The following PRKCE variants were observed in gnomAD, a reference collection of about 807,000 sequenced individuals.
The protein encoded by PRKCE is protein kinase C epsilon.
In PRKCE, 16 loss-of-function variants were observed where a neutral mutation model predicts 85.4. That is an observed-to-expected ratio of 0.19 (90% CI 0.13 to 0.28). The LOEUF is 0.28. Among genes scored for constraint, PRKCE ranks in the 10% least tolerant of loss-of-function variants. The pLI is 1.00. For missense variants in PRKCE, 573 were observed against 975.2 expected (o/e 0.59, Z 5.49); for synonymous variants, 388 against 371.5 (o/e 1.04, Z -0.51).
intron 1 of PRKCE, among the ~76,000 whole-genome samples, chr2:45,694,420 A>T (rs1352307451): frequency 6.6e-6 from 1 of 152,036 alleles, no homozygotes; most frequent in Non-Finnish European, 1.5e-5. Context: ...TATGACTTCA[A>T]CCCCATGCCA....
intron 2 of PRKCE, among the ~76,000 whole-genome samples, chr2:45,969,690 T>C (rs779156518): frequency 1.8e-4 from 27 of 152,174 alleles, no homozygotes; most frequent in Admixed American, 3.3e-4. Flanking sequence ...CCTAATACTT[T>C]TTAGGCAAGT....
rs751430869 is a variant in PRKCE, at chr2:45,658,838, T to C, written c.348+6390T>C. 2.9e-4 allele frequency among the ~76,000 whole-genome samples: 44 copies of C among 152,226 alleles called. 1 individual carries two copies. Among genetic ancestry groups the C allele is most frequent in the Non-Finnish European group, 5.3e-4 (36 of 68,042 alleles). On this transcript the variant is annotated intron_variant, in intron 1 of 14. Coordinates refer to ENST00000306156, the MANE Select transcript of PRKCE (RefSeq NM_005400.3). ...AGTCTTACATACTCTAAAAATAAAT[T>C]TGACTTAGTTATACTTAACAAATTG...
chr2:46,029,750 C>T (rs927334155), intron 10 of PRKCE, among the ~76,000 whole-genome samples: 100 of 150,168 alleles, frequency 6.7e-4, no homozygotes, highest in Non-Finnish European at 9.5e-4. Context: ...TTAAAGTAAA[C>T]AACTACATCA....
chr2:46,016,328 C>T (rs1438476658), intron 10 of PRKCE, among the ~76,000 whole-genome samples: 1 of 152,014 alleles, frequency 6.6e-6, no homozygotes, highest in African/African-American at 2.4e-5. Context: ...TGTGTGGTGG[C>T]GTGTGTCTGT....
intron 1 of PRKCE, among the ~76,000 whole-genome samples, chr2:45,829,314 C>T (rs531262034): frequency 6.6e-6 from 1 of 152,294 alleles, no homozygotes; most frequent in South Asian, 2.1e-4. Flanking sequence ...GTTTCTTCCC[C>T]ATTCTCATAA....
chr2:45,744,029 A>AAG (rs1241209182), intron 1 of PRKCE, among the ~76,000 whole-genome samples: 2 of 151,224 alleles, frequency 1.3e-5, no homozygotes, highest in African/African-American at 4.9e-5. Context: ...TGCATCTAAT[A>AAG]AAAATGATGT....
chr2:46,076,531 G>C (rs1184068553), intron 10 of PRKCE, among the ~76,000 whole-genome samples: 1 of 152,120 alleles, frequency 6.6e-6, no homozygotes, highest in Admixed American at 6.5e-5. Flanking sequence ...CGCAGCTTTA[G>C]GTCACTCTAA....
intron 2 of PRKCE, among the ~76,000 whole-genome samples, chr2:45,859,937 T>A (rs1013387518): frequency 6.6e-6 from 1 of 152,216 alleles, no homozygotes; most frequent in Admixed American, 6.5e-5. Context: ...ACTTGTATAA[T>A]GTAGAAAGTC....
intron 2 of PRKCE, among the ~76,000 whole-genome samples, chr2:45,968,186 A>C (rs1701859795): frequency 6.6e-6 from 1 of 152,218 alleles, no homozygotes; most frequent in Admixed American, 6.5e-5. Flanking sequence ...AGCGATTCAC[A>C]ACTGCAAAGA....
chr2:46,088,458 C>G (rs1288101506), intron 11 of PRKCE, among the ~76,000 whole-genome samples: 1 of 152,186 alleles, frequency 6.6e-6, no homozygotes, highest in Non-Finnish European at 1.5e-5. Flanking sequence ...ATTGCTGCAC[C>G]TGCCCCTGTT....
At chr2:46,169,925 T>C (rs1486863840) in intron 14 of PRKCE, among the ~76,000 whole-genome samples, 1 of 152,244 alleles carries the variant, frequency 6.6e-6, no homozygotes, top group Non-Finnish European at 1.5e-5. Context: ...TCCCCACTGT[T>C]ACTGTCTGTG....
chr2:46,033,294 G>T (rs140548201), intron 10 of PRKCE, among the ~76,000 whole-genome samples: 14 of 152,300 alleles, frequency 9.2e-5, no homozygotes, highest in African/African-American at 3.4e-4. Context: ...CTCACTGGGC[G>T]TGGTGGTGGG....
At chr2:46,012,791 G>A (rs1427620346) in intron 10 of PRKCE, among the ~76,000 whole-genome samples, 2 of 152,212 alleles carry the variant, frequency 1.3e-5, no homozygotes. Context: ...GTGCGTTGTA[G>A]AATAACAAGG....
intron 1 of PRKCE, among the ~76,000 whole-genome samples, chr2:45,735,307 G>A (rs955299670): frequency 6.6e-6 from 1 of 152,216 alleles, no homozygotes. Flanking sequence ...AGTCCTCAGA[G>A]ACTATCACTT....
intron 1 of PRKCE, among the ~76,000 whole-genome samples, chr2:45,834,581 C>T (rs930263359): frequency 1.2e-4 from 17 of 140,878 alleles, no homozygotes; most frequent in African/African-American, 3.1e-4. Flanking sequence ...ATCACGTGTG[C>T]GCATGTGTGT....
intron 11 of PRKCE, among the ~76,000 whole-genome samples, chr2:46,121,655 C>T (rs938349808): frequency 6.6e-6 from 1 of 152,200 alleles, no homozygotes; most frequent in African/African-American, 2.4e-5. Context: ...TGGTCAGGCT[C>T]ACCAAATTCA....
intron 14 of PRKCE, among the ~76,000 whole-genome samples, chr2:46,178,551 T>G (rs984972584): frequency 6.6e-6 from 1 of 152,246 alleles, no homozygotes; most frequent in African/African-American, 2.4e-5. Flanking sequence ...TGTAAACATA[T>G]ACACATATAT....
intron 1 of PRKCE, among the ~76,000 whole-genome samples, chr2:45,709,531 A>G (rs879888513): frequency 1.3e-5 from 2 of 152,238 alleles, no homozygotes; most frequent in Non-Finnish European, 2.9e-5. Context: ...GCTTTAGTAC[A>G]GACTATGCTC....
rs142449422 is a variant in PRKCE, at chr2:45,794,601, G to A, written c.349-48399G>A. ...GCTGTGGCAAGGAATCTCAGGAAGG[G>A]CATGGATCTCGCCTGACAGCCCCGT... is the stretch of plus-strand genomic sequence containing the variant. On this transcript the variant is annotated intron_variant, in intron 1 of 14. Coordinates refer to ENST00000306156, the MANE Select transcript of PRKCE (RefSeq NM_005400.3). Among the ~76,000 whole-genome samples the A allele has an allele frequency of 4.7e-3, 719 of 152,236 alleles. 3 individuals are homozygous for A. Among genetic ancestry groups the A allele is most frequent in the African/African-American group, 0.017 (686 of 41,528 alleles).
Sources: allele counts gnomAD v4.1 joint callset (sites outside exome capture counted in the v4.1 genomes callset), GRCh38; gene constraint gnomAD v4.1.1; transcripts MANE v1.5; gene names NCBI Gene and HGNC (gene_info 2026-07-23, HGNC 2026-07-21).